LMO7: variants seen among roughly 807,000 people sequenced by gnomAD.
LMO7 encodes the protein LIM domain 7.
LMO7 carries 120 observed loss-of-function variants against 206.5 expected under a neutral mutation model. The observed-to-expected ratio is 0.58, with a 90% CI of 0.50 to 0.68. The LOEUF is 0.68. LMO7 is among the 30% of genes least tolerant of loss of function. The pLI, the probability that LMO7 is intolerant of heterozygous loss-of-function variation, is 0.00. For synonymous variants in LMO7, 706 were observed against 681.5 expected, an observed-to-expected ratio of 1.04 and a Z score of -0.56; for missense variants, 1,959 against 1,957.9, an observed-to-expected ratio of 1.00 and a Z score of -0.01.
At chr13:75,731,596 G>A (rs542240577) in intron 3 of LMO7, among the ~76,000 whole-genome samples, 11 of 152,096 alleles carry the variant, frequency 7.2e-5, no homozygotes, top group East Asian at 3.9e-4. Flanking sequence ...TTGCCAGTCT[G>A]TGTCTTTTAA....
At chr13:75,766,430 G>A (rs1402374296) in intron 4 of LMO7, among the ~76,000 whole-genome samples, 7 of 151,938 alleles carry the variant, frequency 4.6e-5, no homozygotes, top group African/African-American at 1.5e-4. Context: ...TCCAGTAAGA[G>A]GAAATTTTGG....
chr13:75,719,126 C>G (rs929118973), intron 2 of LMO7, among the ~76,000 whole-genome samples: 1 of 151,874 alleles, frequency 6.6e-6, no homozygotes, highest in Non-Finnish European at 1.5e-5. Flanking sequence ...ACTACAGGCA[C>G]GCACCACCAC....
At chr13:75,628,678 T>G (rs1043894059) in intron 2 of LMO7, 1 of 152,226 alleles carries the variant, frequency 6.6e-6, no homozygotes, top group Admixed American at 6.5e-5. Context: ...TTTTGAATCA[T>G]AACCAATCAA....
chr13:75,794,787 C>CA (rs964200198), intron 4 of LMO7, among the ~76,000 whole-genome samples: 1 of 152,000 alleles, frequency 6.6e-6, no homozygotes, highest in Non-Finnish European at 1.5e-5. Context: ...CATATGTGAG[C>CA]AAAAAACCCA....
intron 20 of LMO7, 131 bp from the exon 21 acceptor site, chr13:75,839,954 T>C: frequency 1.3e-6 from 1 of 790,108 alleles, no homozygotes; most frequent in Non-Finnish European, 2.1e-6. Context: ...GACTATTGTT[T>C]AAAAAAACAT....
chr13:75,808,227 G>C (rs900905130), intron 10 of LMO7, 28 bp downstream of exon 10: 1 of 1,573,360 alleles, frequency 6.4e-7, no homozygotes, highest in East Asian at 2.3e-5. Flanking sequence ...CAAGGATTTT[G>C]CTTGTAATGG....
intron 3 of LMO7, among the ~76,000 whole-genome samples, chr13:75,735,145 G>T (rs914809558): frequency 4.0e-5 from 6 of 148,506 alleles, no homozygotes; most frequent in African/African-American, 1.5e-4. Flanking sequence ...GTGTGTGTAT[G>T]TATGTACATA....
At chr13:75,851,808 G>A (rs936861664) in intron 27 of LMO7, among the ~76,000 whole-genome samples, 3 of 152,086 alleles carry the variant, frequency 2.0e-5, no homozygotes, top group African/African-American at 4.8e-5. Context: ...TTATAATGTG[G>A]ACATTAAACA....
chr13:75,855,448 G>C, intron 29 of LMO7, 80 bp downstream of exon 29: 1 of 781,380 alleles, frequency 1.3e-6, no homozygotes, highest in Middle Eastern at 3.4e-4. Context: ...GCTGGGTGTA[G>C]ATGTGCCACT....
intron 1 of LMO7, among the ~76,000 whole-genome samples, chr13:75,699,404 ATTTT>A (rs57799165): frequency 1.3e-4 from 18 of 141,792 alleles, no homozygotes; most frequent in Admixed American, 2.1e-4. Context: ...AAGATAGAAG[ATTTT>A]TTTTTTTTTT....
intron 3 of LMO7, among the ~76,000 whole-genome samples, chr13:75,738,329 C>T (rs552307332): frequency 2.4e-4 from 36 of 152,252 alleles, no homozygotes; most frequent in Non-Finnish European, 3.4e-4. Flanking sequence ...ATGGATTTAC[C>T]TTTTGCATAT....
At chr13:75,669,425 T>A (rs549515255) in intron 1 of LMO7, among the ~76,000 whole-genome samples, 29 of 152,264 alleles carry the variant, frequency 1.9e-4, no homozygotes, top group Non-Finnish European at 1.3e-4. Flanking sequence ...GATTCCCTAG[T>A]GGCCTAGAGC....
At position 75,822,762 on chromosome 13, in the gene LMO7, CTATATATATATATA is replaced by C. The variant is rs66789925; in HGVS notation, c.2641-782_2641-769del. On this transcript the variant is annotated intron_variant, in intron 14 of 30. Coordinates refer to ENST00000377534, the MANE Select transcript of LMO7 (RefSeq NM_001306080.2). ...GTGTTGCTACAATTATTTTTAGAAA[CTATATATATATATA>C]TATATATATATATATATATAGTTTC... 9.3e-3 allele frequency among the ~76,000 whole-genome samples: 1,013 copies of C among 108,438 alleles called. 5 individuals are homozygous for C. Among genetic ancestry groups the C allele is most frequent in the Middle Eastern group, 0.016 (3 of 190 alleles). The allele number at this position is 108,438 out of a possible 152,430, so 71.1% of individuals were successfully genotyped here.
At chr13:75,836,258 T>A in intron 18 of LMO7, 139 bp from the exon 19 acceptor site, 1 of 566,078 alleles carries the variant, frequency 1.8e-6, no homozygotes, top group Non-Finnish European at 3.1e-6. Context: ...TTCTACTACA[T>A]GTAAAAGGCT....
chr13:75,763,784 G>C (rs2048498098), intron 4 of LMO7, among the ~76,000 whole-genome samples: 1 of 152,104 alleles, frequency 6.6e-6, no homozygotes, highest in Non-Finnish European at 1.5e-5. Flanking sequence ...GTGGGCAGTG[G>C]TGATAGTTGC....
chr13:75,713,062 G>T, intron 1 of LMO7, 120 bp from the exon 2 acceptor site: 1 of 574,158 alleles, frequency 1.7e-6, no homozygotes, highest in East Asian at 2.9e-5. Context: ...GGATATAACA[G>T]TCTATATATG....
At chr13:75,724,438 G>C (rs1176031986) in intron 2 of LMO7, among the ~76,000 whole-genome samples, 3 of 152,112 alleles carry the variant, frequency 2.0e-5, no homozygotes, top group African/African-American at 7.2e-5. Flanking sequence ...CTAGTACATA[G>C]AGGTATCTGG....
At chr13:75,704,374 T>A (rs1027697223) in intron 1 of LMO7, among the ~76,000 whole-genome samples, 2 of 152,214 alleles carry the variant, frequency 1.3e-5, no homozygotes, top group Non-Finnish European at 2.9e-5. Flanking sequence ...ATTGGTGTGA[T>A]GATGGTTTGT....
At chr13:75,727,693 T>C (rs1384220898) in intron 3 of LMO7, among the ~76,000 whole-genome samples, 1 of 152,104 alleles carries the variant, frequency 6.6e-6, no homozygotes, top group East Asian at 1.9e-4. Flanking sequence ...GTTACATATG[T>C]ATACATGTGC....
Sources: gnomAD v4.1 joint callset for allele counts (sites outside exome capture counted in the v4.1 genomes callset) on GRCh38, gnomAD v4.1.1 for gene constraint, MANE v1.5 for transcripts, NCBI Gene and HGNC (gene_info 2026-07-23, HGNC 2026-07-21) for gene names.